Variants in EXT1 observed in about 807,000 individuals in gnomAD.
EXT1 encodes exostosin-1.
A neutral mutation model predicts 82.5 loss-of-function variants in EXT1; 20 were observed. The observed-to-expected ratio is 0.24, with a 90% CI of 0.17 to 0.35. The LOEUF (loss-of-function observed/expected upper bound fraction) is 0.35. Ranked by LOEUF, EXT1 falls within the 10% of genes least tolerant of loss-of-function variation. The probability of loss-of-function intolerance (pLI) is 1.00; values close to 1 mark genes in which losing one functional copy is unlikely to be tolerated. For missense variants in EXT1, 757 were observed against 936.5 expected (o/e 0.81, Z 2.50); for synonymous variants, 348 against 350.8 (o/e 0.99, Z 0.09).
At chr8:117,897,933 C>T (rs1344342032) in intron 1 of EXT1, among the ~76,000 whole-genome samples, 2 of 152,132 alleles carry the variant, frequency 1.3e-5, no homozygotes, top group South Asian at 2.1e-4. Context: ...AAGTTTGTTC[C>T]ACTTTGAATG....
At chr8:117,923,226 G>A (rs2129638752) in intron 1 of EXT1, among the ~76,000 whole-genome samples, 1 of 152,164 alleles carries the variant, frequency 6.6e-6, no homozygotes, top group East Asian at 1.9e-4. Flanking sequence ...GCTGGCTGAG[G>A]CAGGGAATCA....
intron 8 of EXT1, among the ~76,000 whole-genome samples, chr8:117,810,628 A>G (rs756570685): frequency 2.0e-5 from 3 of 152,220 alleles, no homozygotes; most frequent in African/African-American, 7.2e-5. Flanking sequence ...AAGATAGAGG[A>G]TGAATCAATA....
chr8:118,053,195 G>A (rs1816745350), intron 1 of EXT1, among the ~76,000 whole-genome samples: 1 of 152,132 alleles, frequency 6.6e-6, no homozygotes. Context: ...TATGACACGA[G>A]GTCTCAAGTG....
At chr8:118,103,145 C>G (rs1211214980) in intron 1 of EXT1, among the ~76,000 whole-genome samples, 1 of 152,044 alleles carries the variant, frequency 6.6e-6, no homozygotes, top group African/African-American at 2.4e-5. Flanking sequence ...AAGAGGGAAA[C>G]TCTGTCTCAA....
intron 1 of EXT1, among the ~76,000 whole-genome samples, chr8:117,868,630 T>C (rs542227564): frequency 3.3e-5 from 5 of 152,046 alleles, no homozygotes; most frequent in African/African-American, 1.2e-4. Context: ...TTTTATTTTT[T>C]GTAGAGACGA....
intron 1 of EXT1, among the ~76,000 whole-genome samples, chr8:117,942,705 C>T (rs753734151): frequency 6.6e-6 from 1 of 151,990 alleles, no homozygotes; most frequent in Non-Finnish European, 1.5e-5. Flanking sequence ...GAGCGAAATT[C>T]GGTCTCCAAA....
intron 1 of EXT1, among the ~76,000 whole-genome samples, chr8:117,949,913 C>A (rs11562823): frequency 6.6e-6 from 1 of 151,976 alleles, no homozygotes; most frequent in African/African-American, 2.4e-5. Context: ...AGATGGCATC[C>A]AAACATTCTT....
chr8:117,871,874 T>C (rs1372687633), intron 1 of EXT1, among the ~76,000 whole-genome samples: 1 of 152,086 alleles, frequency 6.6e-6, no homozygotes. Flanking sequence ...GCTGTAATCC[T>C]AGCACCGTGG....
chr8:117,878,360 G>C (rs184120401), intron 1 of EXT1, among the ~76,000 whole-genome samples: 30 of 152,264 alleles, frequency 2.0e-4, no homozygotes, highest in Admixed American at 3.9e-4. Context: ...TGATTATCCT[G>C]AGTATACACT....
At chr8:117,853,248 A>G (rs1346760843) in intron 1 of EXT1, among the ~76,000 whole-genome samples, 3 of 152,220 alleles carry the variant, frequency 2.0e-5, no homozygotes, top group Non-Finnish European at 4.4e-5. Flanking sequence ...AAATGATTAA[A>G]GACTGGATGT....
chr8:118,055,363 C>T (rs942841390), intron 1 of EXT1, among the ~76,000 whole-genome samples: 7 of 152,210 alleles, frequency 4.6e-5, no homozygotes, highest in Non-Finnish European at 1.0e-4. Context: ...GGATATAGCA[C>T]AGTCTACTCA....
intron 1 of EXT1, among the ~76,000 whole-genome samples, chr8:117,903,531 C>T (rs574025052): frequency 7.0e-4 from 107 of 152,266 alleles, no homozygotes; most frequent in South Asian, 2.7e-3. Context: ...ATAAAACACA[C>T]GTACATTTAA....
At chr8:117,954,738 G>A (rs1052830244) in intron 1 of EXT1, among the ~76,000 whole-genome samples, 2 of 152,016 alleles carry the variant, frequency 1.3e-5, no homozygotes, top group African/African-American at 2.4e-5. Context: ...ACTCATATGT[G>A]GGGGGGACCT....
At chr8:117,831,568 T>C (rs1352137692) in intron 3 of EXT1, 4 of 470,972 alleles carry the variant, frequency 8.5e-6, no homozygotes, top group East Asian at 1.4e-4. Context: ...GGAAGATTCC[T>C]TGTGATTTGC....
At chr8:118,085,205 G>A (rs1283657488) in intron 1 of EXT1, among the ~76,000 whole-genome samples, 1 of 152,140 alleles carries the variant, frequency 6.6e-6, no homozygotes, top group Non-Finnish European at 1.5e-5. Flanking sequence ...AGGATGCTGA[G>A]GTTATTAAAA....
chr8:118,083,027 A>G (rs1817358801), intron 1 of EXT1, among the ~76,000 whole-genome samples: 1 of 152,212 alleles, frequency 6.6e-6, no homozygotes, highest in Non-Finnish European at 1.5e-5. Context: ...CTTATAGCCC[A>G]AGACATTTTT....
intron 4 of EXT1, among the ~76,000 whole-genome samples, chr8:117,824,566 T>C (rs1811979011): frequency 6.6e-6 from 1 of 152,186 alleles, no homozygotes. Flanking sequence ...TATAACAACG[T>C]CTCAGAATTT....
chr8:117,867,194 A>T (rs1249944309), intron 1 of EXT1, among the ~76,000 whole-genome samples: 1 of 140,966 alleles, frequency 7.1e-6, no homozygotes, highest in Non-Finnish European at 1.5e-5. Flanking sequence ...AGGAGGCAGA[A>T]GGTGCAGTGG....
chr8:117,810,621 A>G (rs1348880718), intron 8 of EXT1, among the ~76,000 whole-genome samples: 2 of 152,212 alleles, frequency 1.3e-5, no homozygotes, highest in African/African-American at 4.8e-5. Flanking sequence ...CCAGGGAAAG[A>G]TAGAGGATGA....
Sources: gnomAD v4.1 joint callset for allele counts (sites outside exome capture counted in the v4.1 genomes callset) on GRCh38, gnomAD v4.1.1 for gene constraint, MANE v1.5 for transcripts, NCBI Gene and HGNC (gene_info 2026-07-23, HGNC 2026-07-21) for gene names.